Variants in SORCS2 observed in about 807,000 individuals in gnomAD.
SORCS2 encodes VPS10 domain-containing receptor SorCS2.
A neutral mutation model predicts 141.6 loss-of-function variants in SORCS2; 100 were observed. The ratio of observed to expected loss-of-function variants is 0.71; its 90% CI spans 0.60 to 0.83. The LOEUF is 0.83. Ranked by LOEUF, SORCS2 falls within the 40% of genes least tolerant of loss-of-function variation. SORCS2 has a pLI of 0.00. For missense variants in SORCS2, 1,646 were observed against 1,560.2 expected (o/e 1.05, Z -0.93); for synonymous variants, 789 against 676.9 (o/e 1.17, Z -2.57).
intron 1 of SORCS2, among the ~76,000 whole-genome samples, chr4:7,313,908 G>C (rs1490932385): frequency 6.6e-6 from 1 of 152,172 alleles, no homozygotes; most frequent in Non-Finnish European, 1.5e-5. Context: ...GTCCCATTGA[G>C]GGCAGGAGTG....
chr4:7,467,923 A>G (rs1729718608), intron 2 of SORCS2, among the ~76,000 whole-genome samples: 1 of 152,214 alleles, frequency 6.6e-6, no homozygotes, highest in Non-Finnish European at 1.5e-5. Context: ...CACAGGAGAT[A>G]GCTGCCAGGT....
Position 7,198,746 on chromosome 4 carries a change from G to A in SORCS2, c.480+5620G>A, listed in dbSNP as rs140382711. 5.3e-4 allele frequency among the ~76,000 whole-genome samples: 80 copies of A among 152,270 alleles called. No homozygotes were observed. The East Asian group carries it at 0.011, about 22-fold the overall frequency. On this transcript the variant is annotated intron_variant, in intron 1 of 26. Transcript: ENST00000507866. Reference sequence around the variant, plus strand: ...GGCTGCTGGTGGGGCAAGCCTGTCCGGGACCCTGGGCCTGGCAGCTGGATG... The same window carrying A: ...GGCTGCTGGTGGGGCAAGCCTGTCCAGGACCCTGGGCCTGGCAGCTGGATG...
chr4:7,508,063 C>T (rs1050931637), intron 2 of SORCS2, among the ~76,000 whole-genome samples: 3 of 151,976 alleles, frequency 2.0e-5, no homozygotes, highest in Non-Finnish European at 4.4e-5. Flanking sequence ...CTGTCCGTGT[C>T]GCGTGTCTGC....
chr4:7,266,881 G>A (rs6834590), intron 1 of SORCS2, among the ~76,000 whole-genome samples: 7,561 of 152,074 alleles, frequency 0.05, 601 homozygotes, highest in African/African-American at 0.17. Context: ...GCCCCCTGTC[G>A]CCACGCCATA....
intron 3 of SORCS2, among the ~76,000 whole-genome samples, chr4:7,562,776 G>T (rs1714693944): frequency 6.6e-6 from 1 of 152,156 alleles, no homozygotes; most frequent in African/African-American, 2.4e-5. Flanking sequence ...GATGGTTACT[G>T]GCAGTCCTTG....
At chr4:7,617,262 C>T (rs147180179) in intron 3 of SORCS2, among the ~76,000 whole-genome samples, 1 of 152,282 alleles carries the variant, frequency 6.6e-6, no homozygotes, top group African/African-American at 2.4e-5. Context: ...TCTATACACA[C>T]ACCCACTCAC....
chr4:7,357,028 G>A (rs995896509), intron 1 of SORCS2, among the ~76,000 whole-genome samples: 50 of 152,176 alleles, frequency 3.3e-4, no homozygotes, highest in Admixed American at 1.6e-3. Flanking sequence ...AGCTGGGGAC[G>A]GTGGGCTGCA....
At chr4:7,328,234 C>G (rs1046214618) in intron 1 of SORCS2, among the ~76,000 whole-genome samples, 1 of 149,284 alleles carries the variant, frequency 6.7e-6, no homozygotes, top group African/African-American at 2.5e-5. Flanking sequence ...TGGGGTTTTA[C>G]CATGTTGGCC....
chr4:7,716,810 C>T (rs1726227077), intron 17 of SORCS2, among the ~76,000 whole-genome samples: 1 of 152,218 alleles, frequency 6.6e-6, no homozygotes. Flanking sequence ...TCTGAAGTGT[C>T]AGAGCCAGGA....
intron 1 of SORCS2, among the ~76,000 whole-genome samples, chr4:7,380,793 A>C (rs903530731): frequency 2.2e-4 from 33 of 152,254 alleles, no homozygotes; most frequent in Admixed American, 2.1e-3. Flanking sequence ...CTTGTGTTAA[A>C]GAAGTGGGTT....
intron 2 of SORCS2, among the ~76,000 whole-genome samples, chr4:7,523,011 T>G (rs1415526390): frequency 7.2e-6 from 1 of 138,382 alleles, no homozygotes; most frequent in Non-Finnish European, 1.6e-5. Context: ...CACTCTTCCC[T>G]CTTTGTCACT....
At chr4:7,436,269 C>T (rs1284460680) in intron 2 of SORCS2, among the ~76,000 whole-genome samples, 1 of 152,222 alleles carries the variant, frequency 6.6e-6, no homozygotes. Flanking sequence ...CTTACCTGGA[C>T]TTGGCTCAGC....
rs563246844 is a variant in SORCS2 at position 7,708,943 on chromosome 4, G to A, written c.1869-3790G>A. On this transcript the variant is annotated intron_variant, in intron 14 of 26. Transcript: ENST00000507866. Reference sequence around the variant, plus strand: ...TCCCTGAACAGTTAATTCCTGCTCTGGCCAGGCCCTGGATGCATAAAATCC... The same window carrying A: ...TCCCTGAACAGTTAATTCCTGCTCTAGCCAGGCCCTGGATGCATAAAATCC... Among the ~76,000 whole-genome samples, 7 of 152,294 alleles carry A rather than the reference G, an allele frequency of 4.6e-5. No homozygotes were observed. In the South Asian group the frequency reaches 1.2e-3, roughly 27 times the overall value.
intron 2 of SORCS2, among the ~76,000 whole-genome samples, chr4:7,509,952 C>T (rs1732515059): frequency 6.6e-6 from 1 of 152,226 alleles, no homozygotes; most frequent in Non-Finnish European, 1.5e-5. Flanking sequence ...ATACCCCTTT[C>T]TTTCTTCTAA....
chr4:7,664,715 C>A lies in SORCS2; in HGVS notation c.1071+244C>A, dbSNP rs1184852954. 1.3e-5 allele frequency among the ~76,000 whole-genome samples: 2 copies of A among 152,182 alleles called. No individual in the cohort carries two copies. Among genetic ancestry groups the A allele is most frequent in the African/African-American group, 4.8e-5 (2 of 41,436 alleles). The stretch of plus-strand genomic sequence containing the variant: ...CCACCTCCCTTCTGGCCACCACGAA[C>A]CTCCCAGCCACTCGGGGTCCCCAAA... On this transcript the variant is annotated intron_variant, in intron 7 of 26. Coordinates refer to ENST00000507866, the MANE Select transcript of SORCS2 (RefSeq NM_020777.3). This position sits in a 1 kb window ranked among gnomAD's most constrained non-coding sequence, Gnocchi z 4.7.
chr4:7,252,252 G>A (rs1713555629), intron 1 of SORCS2, among the ~76,000 whole-genome samples: 1 of 152,326 alleles, frequency 6.6e-6, no homozygotes, highest in Non-Finnish European at 1.5e-5. Flanking sequence ...CCAGAGAGAG[G>A]GTGAGCAGGG....
chr4:7,585,087 C>T (rs1716448849), intron 3 of SORCS2, among the ~76,000 whole-genome samples: 1 of 152,124 alleles, frequency 6.6e-6, no homozygotes, highest in African/African-American at 2.4e-5. Flanking sequence ...TGTTGATGGA[C>T]AGGAGGAAGA....
At chr4:7,690,602 G>A (rs990419467) in intron 11 of SORCS2, among the ~76,000 whole-genome samples, 2 of 151,964 alleles carry the variant, frequency 1.3e-5, no homozygotes, top group East Asian at 3.9e-4. Flanking sequence ...GGATGGGTGA[G>A]TGGATGGATG....
At chr4:7,284,853 A>C (rs890044625) in intron 1 of SORCS2, among the ~76,000 whole-genome samples, 11 of 152,116 alleles carry the variant, frequency 7.2e-5, no homozygotes, top group Non-Finnish European at 1.6e-4. Flanking sequence ...CTCTGGGGGA[A>C]GATCCTTCCG....
Sources: gnomAD v4.1 joint callset for allele counts (sites outside exome capture counted in the v4.1 genomes callset) on GRCh38, gnomAD v4.1.1 for gene constraint, Gnocchi (gnomAD v3.1) non-coding constraint, MANE v1.5 for transcripts, NCBI Gene and HGNC (gene_info 2026-07-23, HGNC 2026-07-21) for gene names.